KCNK1: variants seen among roughly 807,000 people sequenced by gnomAD.
The protein encoded by KCNK1 is potassium two pore domain channel subfamily K member 1, also known as potassium channel subfamily K member 1.
In KCNK1, 10 loss-of-function variants were observed where a neutral mutation model predicts 22.2. That is an observed-to-expected ratio of 0.45 (90% CI 0.28 to 0.76). The LOEUF is 0.76. Ranked by LOEUF, KCNK1 falls within the 30% of genes least tolerant of loss-of-function variation. The pLI is 0.14. For missense variants in KCNK1, 378 were observed against 421.0 expected (o/e 0.90, Z 0.89); for synonymous variants, 200 against 186.4 (o/e 1.07, Z -0.60).
At chr1:233,624,081 G>A (rs949806610) in intron 1 of KCNK1, 1 of 153,754 alleles carries the variant, frequency 6.5e-6, no homozygotes, top group African/African-American at 2.4e-5. Flanking sequence ...TGTTATGTGG[G>A]GGGCTCTGTG....
intron 1 of KCNK1, among the ~76,000 whole-genome samples, chr1:233,618,034 T>C (rs900662693): frequency 2.0e-5 from 3 of 152,236 alleles, no homozygotes; most frequent in African/African-American, 4.8e-5. Context: ...AATCTCTGTG[T>C]CTTCAAAGAT....
intron 1 of KCNK1, among the ~76,000 whole-genome samples, chr1:233,621,451 G>T (rs1657584309): frequency 6.6e-6 from 1 of 152,230 alleles, no homozygotes; most frequent in Non-Finnish European, 1.5e-5. Context: ...TGGAGGACAA[G>T]AGACAGAATC....
chr1:233,614,675 G>C, intron 1 of KCNK1, 149 bp downstream of exon 1: 1 of 631,404 alleles, frequency 1.6e-6, no homozygotes, highest in Admixed American at 3.4e-5. Flanking sequence ...TCCCCTCACT[G>C]TCCTCCCGAC....
chr1:233,656,031 G>T (rs1264527527), intron 1 of KCNK1, among the ~76,000 whole-genome samples: 1 of 152,158 alleles, frequency 6.6e-6, no homozygotes, highest in Non-Finnish European at 1.5e-5. Flanking sequence ...CAAGTCCCTA[G>T]GAAAGGATGC....
intron 1 of KCNK1, among the ~76,000 whole-genome samples, chr1:233,635,219 G>A (rs1657877439): frequency 6.6e-6 from 1 of 152,120 alleles, no homozygotes; most frequent in Non-Finnish European, 1.5e-5. Context: ...TATGTACTTG[G>A]TTGGATGGGG....
intron 1 of KCNK1, among the ~76,000 whole-genome samples, chr1:233,648,728 G>A (rs1293680461): frequency 2.0e-5 from 3 of 151,880 alleles, no homozygotes; most frequent in Non-Finnish European, 4.4e-5. Context: ...CACCACACCC[G>A]GCTGATTTTT....
intron 1 of KCNK1, among the ~76,000 whole-genome samples, chr1:233,659,864 G>A (rs913196802): frequency 6.6e-6 from 1 of 152,160 alleles, no homozygotes; most frequent in Admixed American, 6.5e-5. Flanking sequence ...AACATGAGAA[G>A]TCCAGAAGAA....
At chr1:233,617,390 C>T (rs931168666) in intron 1 of KCNK1, among the ~76,000 whole-genome samples, 4 of 152,212 alleles carry the variant, frequency 2.6e-5, no homozygotes, top group African/African-American at 9.7e-5. Flanking sequence ...AACAATTTAA[C>T]ATCTCTTTAT....
intron 1 of KCNK1, chr1:233,636,541 C>G (rs972125368): frequency 6.6e-6 from 1 of 152,390 alleles, no homozygotes; most frequent in Non-Finnish European, 1.5e-5. Context: ...AAGAGCTAAA[C>G]CCCAGTAGAG....
In KCNK1 at chr1:233,618,328, CA is replaced by C. The variant is rs35167905; in HGVS notation, c.355+3811del. Among the ~76,000 whole-genome samples, 11 of 143,692 alleles carry C rather than the reference CA, an allele frequency of 7.7e-5. No homozygotes were observed. The South Asian group carries it at 1.1e-3, about 14-fold the overall frequency. The allele number at this position is 143,692 out of a possible 152,430, so 94.3% of individuals were successfully genotyped here. A position where few individuals can be genotyped will look rare whatever the true frequency, so the allele number is the denominator to read the frequency against. ...GCTTTTCAGAAAGAAGAGTTGTATA[CA>C]AAAAAAAAGGAGGTATTATAGACTG... On this transcript the variant is annotated intron_variant, in intron 1 of 2. Transcript: ENST00000366621.
intron 1 of KCNK1, among the ~76,000 whole-genome samples, chr1:233,619,376 C>T (rs1657538624): frequency 6.6e-6 from 1 of 152,044 alleles, no homozygotes; most frequent in Admixed American, 6.5e-5. Flanking sequence ...TGCTTTATCC[C>T]TATTTATGAA....
At chr1:233,625,627 T>C (rs1657675970) in intron 1 of KCNK1, among the ~76,000 whole-genome samples, 2 of 151,922 alleles carry the variant, frequency 1.3e-5, no homozygotes, top group Non-Finnish European at 1.5e-5. Context: ...GGATGTTAGG[T>C]GGTGATAGGT....
intron 1 of KCNK1, among the ~76,000 whole-genome samples, chr1:233,630,183 G>A (rs764726029): frequency 6.6e-6 from 1 of 152,138 alleles, no homozygotes; most frequent in Non-Finnish European, 1.5e-5. Flanking sequence ...TAATTACTGT[G>A]TCAGTTAGTT....
rs926074584 is a variant in KCNK1 at position 233,665,584 on chromosome 1, A to C, written c.356-1011A>C. On this transcript the variant is annotated intron_variant, in intron 1 of 2. Transcript: ENST00000366621. Reference sequence around the variant, plus strand: ...AAGGGACAAGAAGAAGGGTTAACAAACCAGTCAAGGGAGACTGGGAGAGCA... The same window carrying C: ...AAGGGACAAGAAGAAGGGTTAACAACCCAGTCAAGGGAGACTGGGAGAGCA... 6.2e-5 allele frequency among the ~76,000 whole-genome samples: 4 copies of C among 64,920 alleles called. No individual in the cohort carries two copies. In the Admixed American group the frequency reaches 7.6e-4, roughly 12 times the overall value. The allele number at this position is 64,920 out of a possible 152,430, so 42.6% of individuals were successfully genotyped here. A position where few individuals can be genotyped will look rare whatever the true frequency, so the allele number is the denominator to read the frequency against.
chr1:233,649,415 C>G (rs953262), intron 1 of KCNK1, among the ~76,000 whole-genome samples: 5,448 of 152,158 alleles, frequency 0.036, 306 homozygotes, highest in African/African-American at 0.12. Context: ...TCTACTCTTG[C>G]ATGAAGAAAT....
At chr1:233,618,282 A>T (rs1657520194) in intron 1 of KCNK1, among the ~76,000 whole-genome samples, 1 of 152,216 alleles carries the variant, frequency 6.6e-6, no homozygotes, top group South Asian at 2.1e-4. Context: ...GAATGAGTGA[A>T]ACACTGCAAT....
intron 1 of KCNK1, among the ~76,000 whole-genome samples, chr1:233,620,689 C>G (rs113434364): frequency 0.014 from 2,179 of 152,316 alleles, 22 homozygotes; most frequent in Middle Eastern, 0.071. Context: ...TCTGTATTCA[C>G]AGGTCTTGAT....
chr1:233,668,767 G>A (rs533139673), intron 2 of KCNK1, among the ~76,000 whole-genome samples: 6 of 151,980 alleles, frequency 3.9e-5, no homozygotes, highest in African/African-American at 1.5e-4. Context: ...CACCACATCC[G>A]GCTAATTTTT....
At position 233,667,587 on chromosome 1, in the gene KCNK1, G is replaced by A. The variant is rs141522140; in HGVS notation, c.751+597G>A. Among the ~76,000 whole-genome samples the A allele has an allele frequency of 2.3e-3, 343 of 151,498 alleles. 12 individuals are homozygous for A. In the East Asian group the frequency reaches 0.059, roughly 26 times the overall value. On this transcript the variant is annotated intron_variant, in intron 2 of 2. Coordinates refer to ENST00000366621, the MANE Select transcript of KCNK1 (RefSeq NM_002245.4). ...GTACTAAAAATACAAAAAATTAGCC[G>A]GGCGTGGTAGCGGGCGCCTGTAGTC... is the stretch of plus-strand genomic sequence containing the variant.
Sources: allele counts gnomAD v4.1 joint callset (sites outside exome capture counted in the v4.1 genomes callset), GRCh38; gene constraint gnomAD v4.1.1; transcripts MANE v1.5; gene names NCBI Gene and HGNC (gene_info 2026-07-23, HGNC 2026-07-21).